TRAF3IP1: variants seen among roughly 807,000 people sequenced by gnomAD.
TRAF3IP1 encodes intraflagellar transport 54.
A neutral mutation model predicts 89.9 loss-of-function variants in TRAF3IP1; 53 were observed. That is an observed-to-expected ratio of 0.59 (90% CI 0.47 to 0.74). The LOEUF is 0.74. Among genes scored for constraint, TRAF3IP1 ranks in the 30% least tolerant of loss-of-function variants. The probability of loss-of-function intolerance (pLI) is 0.00; values close to 1 mark genes in which losing one functional copy is unlikely to be tolerated. For synonymous variants in TRAF3IP1, 311 were observed against 322.1 expected (o/e 0.97, Z 0.37); for missense variants, 806 against 866.1 (o/e 0.93, Z 0.87).
At chr2:238,382,144 G>T (rs1700577252) in intron 15 of TRAF3IP1, among the ~76,000 whole-genome samples, 1 of 152,222 alleles carries the variant, frequency 6.6e-6, no homozygotes, top group African/African-American at 2.4e-5. Flanking sequence ...GGAGATGACA[G>T]AAAGGGGACA....
intron 14 of TRAF3IP1, 129 bp from the exon 15 acceptor site, chr2:238,355,875 T>A (rs1163982089): frequency 4.3e-6 from 3 of 694,862 alleles, no homozygotes; most frequent in Non-Finnish European, 7.6e-6. Flanking sequence ...TAAAGATTAT[T>A]TGAAACTGTT....
chr2:238,351,670 G>A lies in TRAF3IP1; in HGVS notation c.1452-1157G>A, dbSNP rs1699158455. Among the ~76,000 whole-genome samples, 1 of 152,178 alleles carries A rather than the reference G, an allele frequency of 6.6e-6. No homozygotes were observed. The highest frequency in any genetic ancestry group is 2.1e-4 in the South Asian group (1 of 4,830). On this transcript the variant is annotated intron_variant, in intron 12 of 16. Transcript: ENST00000373327. The surrounding 1 kb of genome is among the most constrained non-coding windows in gnomAD (Gnocchi z 5.2). Reference sequence around the variant, plus strand: ...TGACAGAGCAGCGGGTTCGAAGTGAGGTTGGTCCTGGCGGAGCCACACAGG... The same window carrying A: ...TGACAGAGCAGCGGGTTCGAAGTGAAGTTGGTCCTGGCGGAGCCACACAGG...
At chr2:238,332,370 G>T (rs111987759) in intron 5 of TRAF3IP1, among the ~76,000 whole-genome samples, 28 of 152,264 alleles carry the variant, frequency 1.8e-4, no homozygotes, top group African/African-American at 6.3e-4. Context: ...AAGCCTTTGC[G>T]TAAAAAGAAT....
chr2:238,326,739 G>A (rs1490352122), intron 3 of TRAF3IP1, among the ~76,000 whole-genome samples: 1 of 152,012 alleles, frequency 6.6e-6, no homozygotes, highest in Non-Finnish European at 1.5e-5. Flanking sequence ...GGTTGGCTGG[G>A]GGCTAACCTT....
At chr2:238,375,744 T>C (rs962477052) in intron 15 of TRAF3IP1, among the ~76,000 whole-genome samples, 1 of 152,204 alleles carries the variant, frequency 6.6e-6, no homozygotes, top group South Asian at 2.1e-4. Flanking sequence ...TTCAATCTTT[T>C]CTCTTATGGT....
At chr2:238,391,524 G>A (rs1177632266) in intron 15 of TRAF3IP1, among the ~76,000 whole-genome samples, 2 of 152,186 alleles carry the variant, frequency 1.3e-5, no homozygotes, top group Admixed American at 1.3e-4. Context: ...CAGAGTGTTG[G>A]TGTTTTGCAG....
At chr2:238,385,760 G>C (rs1257404651) in intron 15 of TRAF3IP1, among the ~76,000 whole-genome samples, 3 of 152,186 alleles carry the variant, frequency 2.0e-5, no homozygotes, top group Admixed American at 2.0e-4. Context: ...TTTGGTGCAA[G>C]GAGGGCATCT....
chr2:238,363,672 T>C (rs1202332434), intron 15 of TRAF3IP1, among the ~76,000 whole-genome samples: 1 of 152,124 alleles, frequency 6.6e-6, no homozygotes, highest in Admixed American at 6.6e-5. Flanking sequence ...TGTAAGACTA[T>C]ATCCTCAGGC....
At chr2:238,397,428 T>C (rs1228033091) in intron 15 of TRAF3IP1, 31 bp from the exon 16 acceptor site, 1 of 1,603,004 alleles carries the variant, frequency 6.2e-7, no homozygotes. Context: ...TGAGGAGGCG[T>C]GTTCCTCTTC....
chr2:238,323,883 AAGCTGGTTTT>A (rs1697683506), intron 1 of TRAF3IP1, among the ~76,000 whole-genome samples: 1 of 152,054 alleles, frequency 6.6e-6, no homozygotes, highest in South Asian at 2.1e-4. Flanking sequence ...ATTGCCCTAA[AAGCTGGTTTT>A]AGGGCTAATT....
intron 9 of TRAF3IP1, 33 bp from the exon 10 acceptor site, chr2:238,347,422 G>T: frequency 6.2e-7 from 1 of 1,613,528 alleles, no homozygotes; most frequent in Non-Finnish European, 8.5e-7. Flanking sequence ...TTGACTACAC[G>T]AAAGCTAATT....
At position 238,351,654 on chromosome 2, in the gene TRAF3IP1, A is replaced by G. The variant is rs923053677; in HGVS notation, c.1452-1173A>G. Among the ~76,000 whole-genome samples the G allele has an allele frequency of 2.4e-4, 36 of 152,132 alleles. No individual in the cohort carries two copies. Among genetic ancestry groups the G allele is most frequent in the African/African-American group, 7.2e-4 (30 of 41,416 alleles). On this transcript the variant is annotated intron_variant, in intron 12 of 16. Transcript: ENST00000373327. This position sits in a 1 kb window ranked among gnomAD's most constrained non-coding sequence, Gnocchi z 5.2. ...CTGGACTTCCTGGTACTGACAGAGCAGCGGGTTCGAAGTGAGGTTGGTCCT... is the reference window on the plus strand; with the variant it reads ...CTGGACTTCCTGGTACTGACAGAGCGGCGGGTTCGAAGTGAGGTTGGTCCT...
At chr2:238,342,879 ATAGT>A (rs1426480028) in intron 8 of TRAF3IP1, among the ~76,000 whole-genome samples, 2 of 152,206 alleles carry the variant, frequency 1.3e-5, no homozygotes, top group Admixed American at 1.3e-4. Flanking sequence ...CAGTTATATG[ATAGT>A]TAATGTCAGG....
At chr2:238,338,824 C>T (rs990103062) in intron 8 of TRAF3IP1, among the ~76,000 whole-genome samples, 2 of 152,136 alleles carry the variant, frequency 1.3e-5, no homozygotes, top group Non-Finnish European at 2.9e-5. Flanking sequence ...AGAAAATGCT[C>T]GCAGTAGAGA....
chr2:238,321,032 C>T (rs1352832700), intron 1 of TRAF3IP1, among the ~76,000 whole-genome samples: 1 of 151,758 alleles, frequency 6.6e-6, no homozygotes, highest in Non-Finnish European at 1.5e-5. Flanking sequence ...GGTCGGGGGC[C>T]GGGGTCAGTT....
At chr2:238,390,837 A>T (rs969242578) in intron 15 of TRAF3IP1, among the ~76,000 whole-genome samples, 2 of 152,034 alleles carry the variant, frequency 1.3e-5, no homozygotes, top group Non-Finnish European at 2.9e-5. Context: ...GCTGGGTTGT[A>T]CCAGCCCCTG....
intron 15 of TRAF3IP1, among the ~76,000 whole-genome samples, chr2:238,365,450 T>C (rs1297488591): frequency 6.6e-6 from 1 of 151,910 alleles, no homozygotes; most frequent in East Asian, 1.9e-4. Context: ...CACTTGAGCT[T>C]AGGAGTTAGA....
chr2:238,343,570 G>A (rs981315027), intron 8 of TRAF3IP1, among the ~76,000 whole-genome samples: 2 of 151,060 alleles, frequency 1.3e-5, no homozygotes, highest in Admixed American at 6.6e-5. Context: ...ATGAGGTTTC[G>A]CTATGTTGCC....
intron 15 of TRAF3IP1, among the ~76,000 whole-genome samples, chr2:238,363,920 A>G (rs1699764475): frequency 6.6e-6 from 1 of 152,334 alleles, no homozygotes; most frequent in East Asian, 1.9e-4. Flanking sequence ...AGACTGCACC[A>G]CTGCATTCCA....
Sources: gnomAD v4.1 joint callset for allele counts (sites outside exome capture counted in the v4.1 genomes callset) on GRCh38, gnomAD v4.1.1 for gene constraint, Gnocchi (gnomAD v3.1) non-coding constraint, MANE v1.5 for transcripts, NCBI Gene and HGNC (gene_info 2026-07-23, HGNC 2026-07-21) for gene names.